The following SYNJ2BP variants were observed in gnomAD, a reference collection of about 807,000 sequenced individuals.
SYNJ2BP encodes synaptojanin-2-binding protein.
A neutral mutation model predicts 16.9 loss-of-function variants in SYNJ2BP; 10 were observed. The observed-to-expected ratio is 0.59, with a 90% confidence interval of 0.36 to 1.00. SYNJ2BP has a LOEUF of 1.00. Ranked by LOEUF, SYNJ2BP falls within the 50% of genes least tolerant of loss-of-function variation. The pLI, the probability that SYNJ2BP is intolerant of heterozygous loss-of-function variation, is 0.01. For missense variants in SYNJ2BP, 162 were observed against 186.7 expected (o/e 0.87, Z 0.77); for synonymous variants, 54 against 68.4 (o/e 0.79, Z 1.04).
At position 70,370,664 on chromosome 14, in the gene SYNJ2BP, A is replaced by G. The variant is rs921819204; in HGVS notation, c.*2327T>C. ...AAGAAAATGTGATGATTACCTGCAT[A>G]TCTTCTTTGTTGCTGCATCGTGTTT... is the stretch of plus-strand genomic sequence containing the variant. On this transcript the variant is annotated 3_prime_UTR_variant, in exon 4 of 4. Coordinates refer to ENST00000256366, the MANE Select transcript of SYNJ2BP (RefSeq NM_018373.3). 1 of 151,990 alleles carries G rather than the reference A, an allele frequency of 6.6e-6. No homozygotes were observed. The highest frequency in any genetic ancestry group is 2.4e-5 in the African/African-American group (1 of 41,384). The allele number at this position is 151,990 out of a possible 1,614,324, so 9.4% of individuals were successfully genotyped here.
At chr14:70,377,127 GACA>G (rs959166362) in intron 2 of SYNJ2BP, among the ~76,000 whole-genome samples, 7 of 152,122 alleles carry the variant, frequency 4.6e-5, no homozygotes, top group South Asian at 2.1e-4. Context: ...TTAAAAACCT[GACA>G]ACAATTTCCA....
chr14:70,404,935 G>A (rs992221715), intron 1 of SYNJ2BP, among the ~76,000 whole-genome samples: 2 of 152,108 alleles, frequency 1.3e-5, no homozygotes, highest in Admixed American at 1.3e-4. Context: ...AGAACAACCT[G>A]GGCAACATGG....
intron 2 of SYNJ2BP, among the ~76,000 whole-genome samples, chr14:70,384,992 C>G (rs142306377): frequency 6.6e-6 from 1 of 152,282 alleles, no homozygotes; most frequent in Non-Finnish European, 1.5e-5. Flanking sequence ...TCTTTGGATG[C>G]CTTTTCCTTA....
At chr14:70,389,789 T>C (rs1887940717) in intron 1 of SYNJ2BP, among the ~76,000 whole-genome samples, 1 of 152,224 alleles carries the variant, frequency 6.6e-6, no homozygotes, top group Non-Finnish European at 1.5e-5. Flanking sequence ...AATTGACAAC[T>C]TTTATTCACT....
intron 1 of SYNJ2BP, 137 bp downstream of exon 1, chr14:70,416,763 A>T (rs1594967530): frequency 7.8e-7 from 1 of 1,278,814 alleles, no homozygotes; most frequent in Non-Finnish European, 1.1e-6. Context: ...TTCTCTAAGC[A>T]CCCCGAAGCG....
At chr14:70,392,260 G>A (rs1887995121) in intron 1 of SYNJ2BP, among the ~76,000 whole-genome samples, 3 of 152,184 alleles carry the variant, frequency 2.0e-5, no homozygotes, top group Admixed American at 2.0e-4. Context: ...AACCTGGACA[G>A]TTCCTATTTT....
intron 1 of SYNJ2BP, among the ~76,000 whole-genome samples, chr14:70,389,373 C>CT (rs752623860): frequency 0.017 from 1,658 of 94,938 alleles, 41 homozygotes; most frequent in African/African-American, 0.041. Flanking sequence ...TTGAGAGTTT[C>CT]TTTTTTTTTT....
chr14:70,416,130 G>A (rs1888600267), intron 1 of SYNJ2BP, among the ~76,000 whole-genome samples: 1 of 152,048 alleles, frequency 6.6e-6, no homozygotes, highest in Non-Finnish European at 1.5e-5. Context: ...AAACAAAGTC[G>A]AAAGCAGGCA....
intron 1 of SYNJ2BP, among the ~76,000 whole-genome samples, chr14:70,415,836 A>C (rs1267848657): frequency 6.6e-6 from 1 of 152,202 alleles, no homozygotes; most frequent in Non-Finnish European, 1.5e-5. Flanking sequence ...TTAGCTATTT[A>C]TCCATTAACA....
intron 1 of SYNJ2BP, among the ~76,000 whole-genome samples, chr14:70,390,996 G>C (rs573031416): frequency 1.3e-5 from 2 of 152,158 alleles, no homozygotes; most frequent in South Asian, 4.2e-4. Context: ...TTAGACACGC[G>C]TGGTGGCACA....
intron 2 of SYNJ2BP, among the ~76,000 whole-genome samples, chr14:70,384,899 T>TA (rs1455732104): frequency 6.6e-6 from 1 of 152,194 alleles, no homozygotes; most frequent in Non-Finnish European, 1.5e-5. Flanking sequence ...GTAGTATCTT[T>TA]ATAGCAGTGT....
At chr14:70,409,511 T>TTC (rs1312420069) in intron 1 of SYNJ2BP, among the ~76,000 whole-genome samples, 1 of 152,236 alleles carries the variant, frequency 6.6e-6, no homozygotes, top group East Asian at 1.9e-4. Context: ...CAGCTTGCCT[T>TTC]TCTATTTCCC....
intron 2 of SYNJ2BP, among the ~76,000 whole-genome samples, chr14:70,386,777 G>C (rs1887868315): frequency 6.6e-6 from 1 of 152,084 alleles, no homozygotes; most frequent in Non-Finnish European, 1.5e-5. Context: ...CTAATCACCT[G>C]AACTGCATGA....
intron 3 of SYNJ2BP, among the ~76,000 whole-genome samples, chr14:70,375,007 T>A (rs1358085971): frequency 5.3e-5 from 8 of 151,532 alleles, no homozygotes; most frequent in Non-Finnish European, 1.0e-4. Context: ...GGTCTTGAAC[T>A]CCCGGGCTCA....
At chr14:70,376,038 T>A (rs2275297) in intron 2 of SYNJ2BP, among the ~76,000 whole-genome samples, 4 of 152,088 alleles carry the variant, frequency 2.6e-5, no homozygotes, top group South Asian at 2.1e-4. Flanking sequence ...CTTCTATGCC[T>A]GTCTCGTTTT....
At chr14:70,382,109 G>A (rs1203932975) in intron 2 of SYNJ2BP, among the ~76,000 whole-genome samples, 4 of 152,126 alleles carry the variant, frequency 2.6e-5, no homozygotes, top group Non-Finnish European at 5.9e-5. Flanking sequence ...GGTGGCAGGC[G>A]CCTGTAGTCC....
chr14:70,398,702 T>G (rs147002725), intron 1 of SYNJ2BP, among the ~76,000 whole-genome samples: 84 of 152,164 alleles, frequency 5.5e-4, no homozygotes, highest in Admixed American at 1.0e-3. Context: ...AATGCCTAGG[T>G]CTTTGCACCT....
rs1888630789 is a variant in SYNJ2BP at position 70,417,050 on chromosome 14, C to G, written c.-87G>C. ...ATCAATCTCGGCGCTGCGCCCACAG[C>G]ACAGCGGTTTCGGTTTCAGCAGCCT... On this transcript the variant is annotated 5_prime_UTR_variant, in exon 1 of 4. Transcript: ENST00000256366. The G allele has an allele frequency of 1.2e-6, 2 of 1,602,770 alleles. No individual in the cohort carries two copies. The highest frequency in any genetic ancestry group is 2.7e-5 in the African/African-American group (2 of 74,602).
chr14:70,416,758 T>C (rs931844605), intron 1 of SYNJ2BP, 142 bp downstream of exon 1: 14 of 1,248,346 alleles, frequency 1.1e-5, no homozygotes, highest in Middle Eastern at 2.3e-4. Flanking sequence ...ATATTTTCTC[T>C]AAGCACCCCG....
Sources: allele counts gnomAD v4.1 joint callset (sites outside exome capture counted in the v4.1 genomes callset), GRCh38; gene constraint gnomAD v4.1.1; transcripts MANE v1.5; gene names NCBI Gene and HGNC (gene_info 2026-07-23, HGNC 2026-07-21).